The following CNOT7 variants were observed in gnomAD, a reference collection of about 807,000 sequenced individuals.
CNOT7 encodes the protein BTG1-binding factor 1.
In CNOT7, 4 loss-of-function variants were observed where a neutral mutation model predicts 37.1. That is an observed-to-expected ratio of 0.11 (90% CI 0.05 to 0.25). The LOEUF is 0.25. Among genes scored for constraint, CNOT7 ranks in the 10% least tolerant of loss-of-function variants. The probability of loss-of-function intolerance (pLI) is 1.00; values close to 1 mark genes in which losing one functional copy is unlikely to be tolerated. For synonymous variants in CNOT7, 128 were observed against 115.6 expected (o/e 1.11, Z -0.69); for missense variants, 170 against 336.2 (o/e 0.51, Z 3.87).
chr8:17,246,090 C>T (rs1281117486), intron 1 of CNOT7: 1 of 152,276 alleles, frequency 6.6e-6, no homozygotes, highest in African/African-American at 2.4e-5. Context: ...AACTCTCCCA[C>T]CCCGATAGGC....
Position 17,234,086 on chromosome 8 carries a change from T to C in CNOT7, c.618+630A>G, listed in dbSNP as rs571965563. Among the ~76,000 whole-genome samples the C allele has an allele frequency of 5.3e-5, 8 of 152,256 alleles. No homozygotes were observed. The East Asian group carries it at 1.5e-3, about 29-fold the overall frequency. ...AAAAAAAGAATTAATGTTTAGAATT[T>C]AAAAATACATGTTATGCAGCGTCAA... On this transcript the variant is annotated intron_variant, in intron 5 of 6. Transcript: ENST00000361272.
In CNOT7 at chr8:17,233,585, T is replaced by C. The variant is rs73669043; in HGVS notation, c.619-1048A>G. Reference sequence around the variant, plus strand: ...TCCCTGTTCCTGAAAACTATCATTATACAGACATGTCAATTAAAAAAAAAG... The same window carrying C: ...TCCCTGTTCCTGAAAACTATCATTACACAGACATGTCAATTAAAAAAAAAG... On this transcript the variant is annotated intron_variant, in intron 5 of 6. Coordinates refer to ENST00000361272, the MANE Select transcript of CNOT7 (RefSeq NM_013354.7). 2.5e-3 allele frequency among the ~76,000 whole-genome samples: 375 copies of C among 152,244 alleles called. 3 individuals carry two copies. Among genetic ancestry groups the C allele is most frequent in the African/African-American group, 8.8e-3 (366 of 41,536 alleles).
intron 3 of CNOT7, among the ~76,000 whole-genome samples, chr8:17,240,167 A>G (rs1809962973): frequency 6.6e-6 from 1 of 152,102 alleles, no homozygotes; most frequent in South Asian, 2.1e-4. Flanking sequence ...ATTAGGCATT[A>G]CTCGTTTATC....
At chr8:17,233,827 GCTT>G (rs1808956523) in intron 5 of CNOT7, among the ~76,000 whole-genome samples, 1 of 152,170 alleles carries the variant, frequency 6.6e-6, no homozygotes, top group Non-Finnish European at 1.5e-5. Flanking sequence ...CCAAAAGAAA[GCTT>G]CTCATCTTCA....
At position 17,245,207 on chromosome 8, in the gene CNOT7, A is replaced by C; in HGVS notation, c.-55T>G. ...AGCATCAAAATGTTATACTTGATTGAAGATTTGTTTCATAAAATATTTTAT... is the reference window on the plus strand; with the variant it reads ...AGCATCAAAATGTTATACTTGATTGCAGATTTGTTTCATAAAATATTTTAT... On this transcript the variant is annotated 5_prime_UTR_variant, in exon 2 of 7. Coordinates refer to ENST00000361272, the MANE Select transcript of CNOT7 (RefSeq NM_013354.7). The C allele has an allele frequency of 6.5e-7, 1 of 1,527,342 alleles. No individual in the cohort carries two copies. Among genetic ancestry groups the C allele is most frequent in the South Asian group, 1.2e-5 (1 of 80,408 alleles). 94.6% of individuals were successfully genotyped at this position (1,527,342 alleles called of 1,614,324 possible). A position where few individuals can be genotyped will look rare whatever the true frequency, so the allele number is the denominator to read the frequency against.
intron 6 of CNOT7, chr8:17,232,128 A>T: frequency 9.5e-7 from 1 of 1,057,906 alleles, no homozygotes; most frequent in Non-Finnish European, 1.2e-6. Context: ...TAATCATGGA[A>T]GTTATTAGCC....
Position 17,228,993 on chromosome 8 carries a change from T to C in CNOT7, c.*1727A>G, listed in dbSNP as rs1371556932. The C allele has an allele frequency of 2.0e-5, 3 of 151,964 alleles. No individual in the cohort carries two copies. The highest frequency in any genetic ancestry group is 4.8e-5 in the African/African-American group (2 of 41,434). The allele number at this position is 151,964 out of a possible 1,614,324, so 9.4% of individuals were successfully genotyped here. ...AGTATATCCTTCGGAATAAATGCATTCCTGGAAAGGAGAAACAGAAGTCAG... is the reference window on the plus strand; with the variant it reads ...AGTATATCCTTCGGAATAAATGCATCCCTGGAAAGGAGAAACAGAAGTCAG... On this transcript the variant is annotated 3_prime_UTR_variant, in exon 7 of 7. Transcript: ENST00000361272.
Position 17,227,477 on chromosome 8 carries a change from T to A in CNOT7, c.*3243A>T, listed in dbSNP as rs1808237507. 1 of 151,856 alleles carries A rather than the reference T, an allele frequency of 6.6e-6. No individual in the cohort carries two copies. The highest frequency in any genetic ancestry group is 1.5e-5 in the Non-Finnish European group (1 of 67,802). 9.4% of individuals were successfully genotyped at this position (151,856 alleles called of 1,614,324 possible). On this transcript the variant is annotated 3_prime_UTR_variant, in exon 7 of 7. Coordinates refer to ENST00000361272, the MANE Select transcript of CNOT7 (RefSeq NM_013354.7). The stretch of plus-strand genomic sequence containing the variant: ...CATCAAAGGGCTGATGTCTTAATTT[T>A]CTCTGGACACATGTCTTTGGGTTGG...
chr8:17,243,487 A>C, intron 2 of CNOT7: 1 of 521,364 alleles, frequency 1.9e-6, no homozygotes, highest in Non-Finnish European at 3.7e-6. Context: ...CTGTCTCCCA[A>C]AGGATACATG....
Position 17,246,836 on chromosome 8 carries a change from G to C in CNOT7, c.-257C>G, listed in dbSNP as rs1202026321. 1.0e-5 allele frequency: 3 copies of C among 297,152 alleles called. No individual in the cohort carries two copies. The highest frequency in any genetic ancestry group is 2.0e-5 in the Non-Finnish European group (3 of 153,614). 18.4% of individuals were successfully genotyped at this position (297,152 alleles called of 1,614,324 possible). A position where few individuals can be genotyped will look rare whatever the true frequency, so the allele number is the denominator to read the frequency against. On this transcript the variant is annotated 5_prime_UTR_variant, in exon 1 of 7. Transcript: ENST00000361272. ...GCGAGCAGGAGCTGCGCCGCACCGT[G>C]CTGCGCCGTCGCTTTTCGCACGTCC...
At chr8:17,245,727 G>A (rs1052136341) in intron 1 of CNOT7, 3 of 152,100 alleles carry the variant, frequency 2.0e-5, no homozygotes, top group Admixed American at 2.0e-4. Flanking sequence ...TAGACTAGAG[G>A]GGTCAAAAAT....
chr8:17,233,127 T>G (rs1321450761), intron 5 of CNOT7, among the ~76,000 whole-genome samples: 1 of 149,712 alleles, frequency 6.7e-6, no homozygotes, highest in Non-Finnish European at 1.5e-5. Context: ...AAGATGAGAG[T>G]GGAAAGAGTG....
At position 17,227,744 on chromosome 8, in the gene CNOT7, G is replaced by T. The variant is rs1179896836; in HGVS notation, c.*2976C>A. 1 of 151,838 alleles carries T rather than the reference G, an allele frequency of 6.6e-6. No homozygotes were observed. The highest frequency in any genetic ancestry group is 6.6e-5 in the Admixed American group (1 of 15,210). The allele number at this position is 151,838 out of a possible 1,614,324, so 9.4% of individuals were successfully genotyped here. Reference sequence around the variant, plus strand: ...TTCTTTTACCAGTTATGGTGACACTGCATTATAAACACAATGTACCAGCAT... The same window carrying T: ...TTCTTTTACCAGTTATGGTGACACTTCATTATAAACACAATGTACCAGCAT... On this transcript the variant is annotated 3_prime_UTR_variant, in exon 7 of 7. Coordinates refer to ENST00000361272, the MANE Select transcript of CNOT7 (RefSeq NM_013354.7).
At chr8:17,237,166 G>A in intron 4 of CNOT7, 46 bp downstream of exon 4, 1 of 1,584,922 alleles carries the variant, frequency 6.3e-7, no homozygotes, top group Non-Finnish European at 8.6e-7. Flanking sequence ...TGTGGAGCAA[G>A]TATGAGATGG....
At chr8:17,237,116 G>T (rs1479884582) in intron 4 of CNOT7, 96 bp downstream of exon 4, 3 of 1,236,374 alleles carry the variant, frequency 2.4e-6, no homozygotes, top group African/African-American at 3.0e-5. Context: ...ACTCTTTCCA[G>T]AATTAAACCT....
intron 5 of CNOT7, among the ~76,000 whole-genome samples, chr8:17,233,624 T>C (rs549675377): frequency 2.0e-5 from 3 of 152,064 alleles, no homozygotes; most frequent in African/African-American, 4.8e-5. Flanking sequence ...GATGAAAACA[T>C]GTAGGCCTCA....
Position 17,229,841 on chromosome 8 carries a change from A to T in CNOT7, c.*879T>A, listed in dbSNP as rs1467928019. The stretch of plus-strand genomic sequence containing the variant: ...ATCATAAGAATGGCTACAAAATTTA[A>T]AAAAAAAAAAAGGGTAAATGGTGAT... On this transcript the variant is annotated 3_prime_UTR_variant, in exon 7 of 7. Coordinates refer to ENST00000361272, the MANE Select transcript of CNOT7 (RefSeq NM_013354.7). The T allele has an allele frequency of 2.5e-3, 137 of 55,698 alleles. No individual in the cohort carries two copies. Among genetic ancestry groups the T allele is most frequent in the African/African-American group, 4.9e-3 (135 of 27,722 alleles). 3.5% of individuals were successfully genotyped at this position (55,698 alleles called of 1,614,324 possible). A position where few individuals can be genotyped will look rare whatever the true frequency, so the allele number is the denominator to read the frequency against.
At chr8:17,244,925 A>C in intron 2 of CNOT7, 111 bp downstream of exon 2, 1 of 893,712 alleles carries the variant, frequency 1.1e-6, no homozygotes, top group Non-Finnish European at 1.7e-6. Flanking sequence ...TTTACTTTTC[A>C]TGGTGAAATT....
rs1283150325 is a variant in CNOT7, at chr8:17,229,666, G to GT, written c.*1053dup. 1 of 151,182 alleles carries GT rather than the reference G, an allele frequency of 6.6e-6. No individual in the cohort carries two copies. Among genetic ancestry groups the GT allele is most frequent in the Admixed American group, 6.6e-5 (1 of 15,066 alleles). The allele number at this position is 151,182 out of a possible 1,614,324, so 9.4% of individuals were successfully genotyped here. ...TATGAGAATATATATATATTTTGTT[G>GT]TTTTGTACCAAATCTCTCCATTATT... On this transcript the variant is annotated 3_prime_UTR_variant, in exon 7 of 7. Transcript: ENST00000361272.
Sources: allele counts gnomAD v4.1 joint callset (sites outside exome capture counted in the v4.1 genomes callset), GRCh38; gene constraint gnomAD v4.1.1; transcripts MANE v1.5; gene names NCBI Gene and HGNC (gene_info 2026-07-23, HGNC 2026-07-21).